The following CFAP47 variants were observed in gnomAD, a reference collection of about 807,000 sequenced individuals.
The protein encoded by CFAP47 is cilia and flagella associated protein 47.
Under a neutral mutation model 148.1 loss-of-function variants are expected in CFAP47, and 29 were observed. That is an observed-to-expected ratio of 0.20 (90% CI 0.15 to 0.27). The LOEUF (loss-of-function observed/expected upper bound fraction) is 0.27, where lower values mean the gene tolerates loss of function less well. Ranked by LOEUF, CFAP47 falls within the 10% of genes least tolerant of loss-of-function variation. The probability of loss-of-function intolerance (pLI) is 1.00; values close to 1 mark genes in which losing one functional copy is unlikely to be tolerated. For missense variants in CFAP47, 1,872 were observed against 1,697.5 expected (o/e 1.10, Z -1.81); for synonymous variants, 664 against 577.3 (o/e 1.15, Z -2.15).
At chrX:36,118,382 T>C (rs1320272377) in intron 33 of CFAP47, among the ~76,000 whole-genome samples, 1 of 111,928 alleles carries the variant, frequency 8.9e-6, no homozygotes, top group Non-Finnish European at 1.9e-5. Context: ...ACATGGAATA[T>C]CTTTCCATTT....
At position 35,951,075 on chromosome X, in the gene CFAP47, G is replaced by A. The variant is rs1170233132; in HGVS notation, c.657-56G>A. 9 of 852,254 alleles carry A rather than the reference G, an allele frequency of 1.1e-5. No homozygotes were observed. In the East Asian group the frequency reaches 2.0e-4, roughly 19 times the overall value. 70.2% of individuals were successfully genotyped at this position (852,254 alleles called of 1,213,427 possible). On this transcript the variant is annotated intron_variant, in intron 4 of 63. Coordinates refer to ENST00000378653, the MANE Select transcript of CFAP47 (RefSeq NM_001304548.2). Reference sequence around the variant, plus strand: ...TCGAAATGTGTGGGAGAAAAACAAAGTATATAGAATTCTAATTAAAATATG... The same window carrying A: ...TCGAAATGTGTGGGAGAAAAACAAAATATATAGAATTCTAATTAAAATATG...
chrX:36,141,880 G>A (rs1209715919), intron 35 of CFAP47, among the ~76,000 whole-genome samples: 3 of 110,904 alleles, frequency 2.7e-5, no homozygotes, highest in Non-Finnish European at 3.8e-5. Flanking sequence ...GTTCTGTCTG[G>A]GGCTGGCTGA....
chrX:36,367,164 G>A, intron 62 of CFAP47, 37 bp downstream of exon 62: 1 of 940,277 alleles, frequency 1.1e-6, no homozygotes, highest in South Asian at 2.8e-5. Context: ...CTGTTTTAGT[G>A]AATATGCTGA....
intron 42 of CFAP47, among the ~76,000 whole-genome samples, chrX:36,200,001 C>T (rs1290554703): frequency 5.4e-5 from 6 of 111,888 alleles, no homozygotes; most frequent in African/African-American, 1.9e-4. Flanking sequence ...GTTTTGGGGA[C>T]TCAGATGCCT....
At chrX:36,055,778 A>G (rs1385042172) in intron 26 of CFAP47, among the ~76,000 whole-genome samples, 1 of 112,539 alleles carries the variant, frequency 8.9e-6, no homozygotes, top group Non-Finnish European at 1.9e-5. Context: ...TTCCACCAAC[A>G]GTGTAAAAGT....
intron 23 of CFAP47, among the ~76,000 whole-genome samples, chrX:36,032,341 A>T (rs985435350): frequency 5.4e-5 from 6 of 110,539 alleles, no homozygotes; most frequent in African/African-American, 2.0e-4. Flanking sequence ...TTCTACTTAA[A>T]CTTCCCATGA....
intron 11 of CFAP47, 116 bp downstream of exon 11, chrX:35,971,039 C>T (rs1331393138): frequency 2.6e-5 from 14 of 539,034 alleles, no homozygotes; most frequent in Non-Finnish European, 3.8e-5. Context: ...CATTTCAATA[C>T]GTGATAAAAG....
chrX:36,232,002 G>A (rs1386507072), intron 46 of CFAP47, among the ~76,000 whole-genome samples: 9 of 111,219 alleles, frequency 8.1e-5, no homozygotes, highest in Non-Finnish European at 1.7e-4. Context: ...ATGTGCTGCT[G>A]GATTCGGTTT....
intron 26 of CFAP47, among the ~76,000 whole-genome samples, chrX:36,049,602 A>T (rs1005504392): frequency 1.8e-5 from 2 of 111,012 alleles, no homozygotes; most frequent in African/African-American, 6.5e-5. Context: ...GGCATTATTA[A>T]TTTATTTTGC....
intron 57 of CFAP47, among the ~76,000 whole-genome samples, chrX:36,341,667 T>C (rs1392205634): frequency 5.4e-5 from 6 of 110,676 alleles, no homozygotes; most frequent in African/African-American, 1.6e-4. Flanking sequence ...ATAGCAGTTT[T>C]AAATATACAC....
At chrX:36,074,601 T>A (rs745594581) in intron 29 of CFAP47, among the ~76,000 whole-genome samples, 1 of 111,180 alleles carries the variant, frequency 9.0e-6, no homozygotes, top group Non-Finnish European at 1.9e-5. Flanking sequence ...ACTTATGGAG[T>A]TTTTTCAAAT....
intron 8 of CFAP47, among the ~76,000 whole-genome samples, chrX:35,966,159 A>C (rs984945269): frequency 2.8e-5 from 3 of 105,686 alleles, no homozygotes; most frequent in Non-Finnish European, 5.9e-5. Flanking sequence ...TTTTTAAATA[A>C]TTTTTTAAAT....
At chrX:36,055,573 G>A (rs1465037983) in intron 26 of CFAP47, among the ~76,000 whole-genome samples, 1 of 112,014 alleles carries the variant, frequency 8.9e-6, no homozygotes, top group Non-Finnish European at 1.9e-5. Context: ...GTCTATCGTT[G>A]ATGGGCATTT....
In CFAP47 at chrX:36,071,819, T is replaced by G. The variant is rs758386360; in HGVS notation, c.4319-6T>G. 9 of 1,200,671 alleles carry G rather than the reference T, an allele frequency of 7.5e-6. No homozygotes were observed. The highest frequency in any genetic ancestry group is 1.0e-5 in the Non-Finnish European group (9 of 890,874). ...TGCTTACTGTGATCCAATGTGTCAT[T>G]TGTAGATAAGGATGAATATCTTAAG... On this transcript the variant is annotated splice_region_variant and splice_polypyrimidine_tract_variant and intron_variant, in intron 27 of 63. Coordinates refer to ENST00000378653, the MANE Select transcript of CFAP47 (RefSeq NM_001304548.2).
At chrX:36,261,818 C>G (rs1277849016) in intron 49 of CFAP47, among the ~76,000 whole-genome samples, 2 of 111,715 alleles carry the variant, frequency 1.8e-5, no homozygotes, top group African/African-American at 6.5e-5. Flanking sequence ...TCATCATGGC[C>G]CGTTCTCAAT....
At chrX:36,246,521 G>A (rs966013735) in intron 48 of CFAP47, among the ~76,000 whole-genome samples, 1 of 111,648 alleles carries the variant, frequency 9.0e-6, no homozygotes, top group Non-Finnish European at 1.9e-5. Context: ...GTGGGAGGGA[G>A]AGGAACAAGC....
At chrX:35,946,467 CT>C (rs1936086970) in intron 3 of CFAP47, among the ~76,000 whole-genome samples, 3 of 110,999 alleles carry the variant, frequency 2.7e-5, no homozygotes, top group Admixed American at 9.6e-5. Flanking sequence ...ATTTATATAC[CT>C]TTTTTTCTTA....
chrX:35,920,046 C>A lies in CFAP47; in HGVS notation c.247C>A (p.Gln83Lys). Residue 83 changes from glutamine (Q) to lysine (K), a missense_variant and splice_region_variant, in exon 1 of 64, where the codon CAG (glutamine) becomes AAG (lysine). Gln to Lys is a moderately conservative substitution (Grantham distance 53, BLOSUM62 1). Coordinates refer to ENST00000378653, the MANE Select transcript of CFAP47 (RefSeq NM_001304548.2). Reference protein sequence around the residue: ...KIRFKEPVKPQFKLMLTSLDK... With the variant: ...KIRFKEPVKPKFKLMLTSLDK... ...CCGATTTAAGGAGCCCGTCAAGCCA[C>A]AGGTGACACACTAAGGGGTGCTGGG... is the stretch of plus-strand genomic sequence containing the variant. 8.4e-7 allele frequency: 1 copy of A among 1,185,548 alleles called. No individual in the cohort carries two copies.
intron 42 of CFAP47, among the ~76,000 whole-genome samples, chrX:36,192,033 C>A (rs1189715652): frequency 2.7e-5 from 3 of 111,009 alleles, no homozygotes; most frequent in Non-Finnish European, 3.8e-5. Context: ...TGAAATTAGA[C>A]CCCTACTTGA....
Sources: allele counts gnomAD v4.1 joint callset (sites outside exome capture counted in the v4.1 genomes callset), GRCh38; gene constraint gnomAD v4.1.1; transcripts MANE v1.5; gene names NCBI Gene and HGNC (gene_info 2026-07-23, HGNC 2026-07-21).